DPP10: variants seen among roughly 807,000 people sequenced by gnomAD.
DPP10 encodes the protein inactive dipeptidyl peptidase 10.
A neutral mutation model predicts 120.9 loss-of-function variants in DPP10; 33 were observed. That is an observed-to-expected ratio of 0.27 (90% confidence interval 0.21 to 0.37). DPP10 has a LOEUF of 0.37. DPP10 is among the 10% of genes least tolerant of loss of function. The pLI is 1.00. For synonymous variants in DPP10, 337 were observed against 326.1 expected (o/e 1.03, Z -0.36); for missense variants, 816 against 942.8 (o/e 0.87, Z 1.76).
At chr2:115,554,907 A>G (rs1558841558) in intron 5 of DPP10, among the ~76,000 whole-genome samples, 1 of 152,048 alleles carries the variant, frequency 6.6e-6, no homozygotes, top group African/African-American at 2.4e-5. Context: ...CTCCTGACAC[A>G]TTGGGTTGAG....
intron 1 of DPP10, among the ~76,000 whole-genome samples, chr2:114,618,197 C>A (rs1283078554): frequency 6.6e-6 from 1 of 152,028 alleles, no homozygotes; most frequent in Non-Finnish European, 1.5e-5. Flanking sequence ...ATTAATTGCA[C>A]CACTTTTTTT....
intron 1 of DPP10, among the ~76,000 whole-genome samples, chr2:115,140,614 G>C (rs1208056398): frequency 3.9e-5 from 6 of 152,176 alleles, no homozygotes; most frequent in Non-Finnish European, 7.4e-5. Flanking sequence ...CAACAATTCA[G>C]ACCAAGGGTG....
chr2:115,727,713 A>C (rs1035498107), intron 7 of DPP10, 103 bp from the exon 8 acceptor site: 1 of 1,299,536 alleles, frequency 7.7e-7, no homozygotes, highest in Middle Eastern at 2.4e-4. Context: ...GAAGCCCGTA[A>C]ATAATACAAC....
At chr2:115,280,618 C>T (rs527921339) in intron 1 of DPP10, among the ~76,000 whole-genome samples, 3 of 152,180 alleles carry the variant, frequency 2.0e-5, no homozygotes. Flanking sequence ...ATTTTTCACA[C>T]ATGTTGAGAA....
At chr2:115,114,612 G>A (rs923705215) in intron 1 of DPP10, among the ~76,000 whole-genome samples, 7 of 152,260 alleles carry the variant, frequency 4.6e-5, no homozygotes, top group African/African-American at 1.4e-4. Flanking sequence ...CTGCATTCAA[G>A]TTCTAACTCC....
At position 115,513,895 on chromosome 2, in the gene DPP10, C is replaced by G. The variant is rs113395726; in HGVS notation, c.367-12003C>G. ...GTGGTTTCAAGTGACTATTTATTGT[C>G]ATTTCATTTCAGCCTGAAGGACTTC... On this transcript the variant is annotated intron_variant, in intron 4 of 25. Coordinates refer to ENST00000410059, the MANE Select transcript of DPP10 (RefSeq NM_020868.6). Among the ~76,000 whole-genome samples, 612 of 152,056 alleles carry G rather than the reference C, an allele frequency of 4.0e-3. 2 individuals carry two copies. The highest frequency in any genetic ancestry group is 0.014 in the African/African-American group (567 of 41,558).
At chr2:114,757,408 GGGAA>G (rs1359934425) in intron 1 of DPP10, among the ~76,000 whole-genome samples, 6 of 140,312 alleles carry the variant, frequency 4.3e-5, no homozygotes, top group Non-Finnish European at 9.3e-5. Flanking sequence ...GAGAGAGAGA[GGGAA>G]GGAAGGAAGG....
chr2:115,297,080 C>T (rs1157507628), intron 1 of DPP10, among the ~76,000 whole-genome samples: 1 of 151,990 alleles, frequency 6.6e-6, no homozygotes, highest in African/African-American at 2.4e-5. Flanking sequence ...TTTTCACTTG[C>T]ATTATTTCTT....
At position 115,331,956 on chromosome 2, in the gene DPP10, A is replaced by T. The variant is rs571600803; in HGVS notation, c.176-11861A>T. On this transcript the variant is annotated intron_variant, in intron 2 of 25. Transcript: ENST00000410059. ...GGCCTCATAAAGTGAGTTAGGGAGG[A>T]TTCTCTCTTTTTCTGTTGATTGGAA... Among the ~76,000 whole-genome samples the T allele has an allele frequency of 2.0e-5, 3 of 151,970 alleles. No homozygotes were observed. In the South Asian group the frequency reaches 6.2e-4, roughly 32 times the overall value.
chr2:115,466,714 C>T (rs2074349345), intron 3 of DPP10, among the ~76,000 whole-genome samples: 1 of 151,854 alleles, frequency 6.6e-6, no homozygotes, highest in African/African-American at 2.4e-5. Flanking sequence ...GTGATGTAGC[C>T]CTTAAAATAT....
intron 1 of DPP10, among the ~76,000 whole-genome samples, chr2:114,660,008 T>C (rs1697274202): frequency 6.6e-6 from 1 of 152,342 alleles, no homozygotes; most frequent in South Asian, 2.1e-4. Context: ...TTCAGACTTC[T>C]AGGCTCCAGA....
chr2:114,819,315 C>T (rs1454012510), intron 1 of DPP10, among the ~76,000 whole-genome samples: 2 of 151,872 alleles, frequency 1.3e-5, no homozygotes, highest in African/African-American at 2.4e-5. Flanking sequence ...GACCTAGCTA[C>T]CAACTAGCTT....
chr2:115,293,299 T>C (rs1040126565), intron 1 of DPP10, among the ~76,000 whole-genome samples: 2 of 151,392 alleles, frequency 1.3e-5, no homozygotes, highest in African/African-American at 2.4e-5. Context: ...ATCAGTTTTA[T>C]GATTAAGGTA....
At chr2:115,185,246 T>G (rs1362239325) in intron 1 of DPP10, among the ~76,000 whole-genome samples, 1 of 8,782 alleles carries the variant, frequency 1.1e-4, no homozygotes, top group East Asian at 0.016. Context: ...TTTTTGTTTC[T>G]TTTTTTTTTT....
chr2:114,611,449 C>T (rs527654834), intron 1 of DPP10, among the ~76,000 whole-genome samples: 2 of 152,236 alleles, frequency 1.3e-5, no homozygotes, highest in African/African-American at 4.8e-5. Flanking sequence ...CCCCACAGTT[C>T]AGACAAAACT....
At chr2:115,133,219 C>T (rs1406926807) in intron 1 of DPP10, among the ~76,000 whole-genome samples, 1 of 137,796 alleles carries the variant, frequency 7.3e-6, no homozygotes, top group Non-Finnish European at 1.5e-5. Context: ...CATTCTGTCA[C>T]CCAGGCTGGA....
intron 2 of DPP10, among the ~76,000 whole-genome samples, chr2:115,331,959 C>G (rs2062773906): frequency 6.6e-6 from 1 of 152,094 alleles, no homozygotes; most frequent in African/African-American, 2.4e-5. Flanking sequence ...AGGGAGGATT[C>G]TCTCTTTTTC....
intron 24 of DPP10, among the ~76,000 whole-genome samples, chr2:115,838,061 A>G (rs1307079700): frequency 6.6e-6 from 1 of 152,184 alleles, no homozygotes; most frequent in Non-Finnish European, 1.5e-5. Flanking sequence ...GACAAAGTAT[A>G]TAATAATATA....
chr2:115,477,798 C>G (rs1558724497), intron 3 of DPP10, among the ~76,000 whole-genome samples: 1 of 152,016 alleles, frequency 6.6e-6, no homozygotes, highest in African/African-American at 2.4e-5. Context: ...TGTGTTAGCC[C>G]TTTTTTTGTG....
Sources: allele counts gnomAD v4.1 joint callset (sites outside exome capture counted in the v4.1 genomes callset), GRCh38; gene constraint gnomAD v4.1.1; transcripts MANE v1.5; gene names NCBI Gene and HGNC (gene_info 2026-07-23, HGNC 2026-07-21).